Variants in ANKK1 observed in about 807,000 individuals in gnomAD.
The protein encoded by ANKK1 is ankyrin repeat and protein kinase domain-containing protein 1.
ANKK1 carries 37 observed loss-of-function variants against 37.6 expected under a neutral mutation model. The ratio of observed to expected loss-of-function variants is 0.98; its 90% CI spans 0.76 to 1.29. The LOEUF (loss-of-function observed/expected upper bound fraction) is 1.29, where lower values mean the gene tolerates loss of function less well. Ranked by LOEUF, ANKK1 falls within the 50% of genes most tolerant of loss-of-function variation. ANKK1 has a pLI of 0.00. For missense variants in ANKK1, 1,019 were observed against 990.6 expected (o/e 1.03, Z -0.39); for synonymous variants, 415 against 418.7 (o/e 0.99, Z 0.11).
intron 1 of ANKK1, among the ~76,000 whole-genome samples, chr11:113,390,201 G>A (rs1335657569): frequency 6.6e-6 from 1 of 152,186 alleles, no homozygotes; most frequent in African/African-American, 2.4e-5. Flanking sequence ...TCACAGCTCT[G>A]TCTCCTGTGC....
chr11:113,398,037 C>A (rs373888683), intron 7 of ANKK1, 21 bp downstream of exon 7: 4 of 1,562,902 alleles, frequency 2.6e-6, no homozygotes, highest in Non-Finnish European at 2.6e-6. Flanking sequence ...GTGCCACGGG[C>A]GGGACCAGAG....
In ANKK1 at chr11:113,399,256, G is replaced by A; in HGVS notation, c.1287G>A (p.Trp429Ter). ...ADANRVDEDG[W>*]APLHFAAQNG... The stretch of plus-strand genomic sequence containing the variant: ...CCAACCGAGTGGATGAGGATGGCTG[G>A]GCCCCACTGCACTTTGCAGCCCAGA... The change falls in exon 8 of 8, where the codon TGG (tryptophan) becomes TGA (stop). Residue 429 changes from tryptophan (W) to a stop codon, truncating the protein, a stop_gained. Coordinates refer to ENST00000303941, the MANE Select transcript of ANKK1 (RefSeq NM_178510.2). LOFTEE classifies it low-confidence loss of function (END_TRUNC). The A allele has an allele frequency of 6.2e-7, 1 of 1,607,334 alleles. No homozygotes were observed. Among genetic ancestry groups the A allele is most frequent in the Non-Finnish European group, 8.5e-7 (1 of 1,177,208 alleles).
At position 113,394,844 on chromosome 11, in the gene ANKK1, G is replaced by T. The variant is rs1591261067; in HGVS notation, c.481-85G>T. The T allele has an allele frequency of 3.2e-6, 5 of 1,544,550 alleles. No individual in the cohort carries two copies. The East Asian group carries it at 1.2e-4, about 36-fold the overall frequency. ...CCACTACTCTACCCTGGAACAGGCAGATAGCAGGAGGGGTGAGAAGCCATA... is the reference window on the plus strand; with the variant it reads ...CCACTACTCTACCCTGGAACAGGCATATAGCAGGAGGGGTGAGAAGCCATA... On this transcript the variant is annotated intron_variant, in intron 2 of 7. Coordinates refer to ENST00000303941, the MANE Select transcript of ANKK1 (RefSeq NM_178510.2).
intron 2 of ANKK1, 152 bp from the exon 3 acceptor site, chr11:113,394,777 C>A: frequency 9.2e-7 from 1 of 1,085,472 alleles, no homozygotes; most frequent in Non-Finnish European, 1.4e-6. Flanking sequence ...CAAGACCATC[C>A]AGATAGTAAG....
At chr11:113,394,788 T>A in intron 2 of ANKK1, 141 bp from the exon 3 acceptor site, 1 of 1,146,468 alleles carries the variant, frequency 8.7e-7, no homozygotes, top group South Asian at 1.3e-5. Context: ...AGATAGTAAG[T>A]GGTAGTGCTA....
In ANKK1 at chr11:113,400,168, C is replaced by T; in HGVS notation, c.2199C>T (p.Leu733=). Residue 733 remains leucine, a synonymous_variant, in exon 8 of 8, where the codon CTC becomes CTT. Transcript: ENST00000303941. ...GVSCTPLQLA[L]RSRKQGIMSF... ...GCTGCACACCCCTGCAACTGGCCCT[C>T]CGCAGCCGAAAGCAGGGCATCATGT... 1.3e-6 allele frequency: 2 copies of T among 1,587,284 alleles called. No homozygotes were observed. Among genetic ancestry groups the T allele is most frequent in the East Asian group, 2.3e-5 (1 of 43,192 alleles).
intron 1 of ANKK1, among the ~76,000 whole-genome samples, chr11:113,391,817 G>T (rs1018380170): frequency 6.6e-6 from 1 of 152,090 alleles, no homozygotes; most frequent in Non-Finnish European, 1.5e-5. Flanking sequence ...ACTAAGCCCC[G>T]TGGTCAAGTA....
At chr11:113,396,300 A>C in intron 5 of ANKK1, 78 bp downstream of exon 5, 1 of 1,509,342 alleles carries the variant, frequency 6.6e-7, no homozygotes, top group Non-Finnish European at 8.9e-7. Context: ...CACTCCTGGG[A>C]GCTATGCAGA....
chr11:113,397,082 G>T (rs1950644732), intron 5 of ANKK1, 142 bp from the exon 6 acceptor site: 1 of 685,672 alleles, frequency 1.5e-6, no homozygotes, highest in Non-Finnish European at 2.4e-6. Flanking sequence ...CAGGTTTCCT[G>T]CCTTCTCGTG....
chr11:113,395,908 C>G (rs1323644782), intron 4 of ANKK1, among the ~76,000 whole-genome samples, 159 bp from the exon 5 acceptor site: 1 of 152,226 alleles, frequency 6.6e-6, no homozygotes, highest in Non-Finnish European at 1.5e-5. Flanking sequence ...AACACAGAAC[C>G]TCAAGTTGGT....
chr11:113,388,935 G>T (rs1229312217), intron 1 of ANKK1, among the ~76,000 whole-genome samples: 1 of 152,072 alleles, frequency 6.6e-6, no homozygotes, highest in Non-Finnish European at 1.5e-5. Context: ...GTCCGGGACG[G>T]GGGTCTCTCT....
intron 1 of ANKK1, among the ~76,000 whole-genome samples, chr11:113,390,535 G>A (rs1053622859): frequency 6.6e-6 from 1 of 152,174 alleles, no homozygotes; most frequent in African/African-American, 2.4e-5. Context: ...GGTCAGGCAA[G>A]ACCAGCCTGA....
intron 1 of ANKK1, among the ~76,000 whole-genome samples, chr11:113,388,874 G>C (rs760999546): frequency 4.6e-5 from 7 of 152,184 alleles, no homozygotes; most frequent in Non-Finnish European, 8.8e-5. Flanking sequence ...TGTTAAACCT[G>C]AGCATGATAA....
intron 1 of ANKK1, among the ~76,000 whole-genome samples, chr11:113,392,622 A>G (rs1175876077): frequency 6.6e-6 from 1 of 152,194 alleles, no homozygotes; most frequent in Non-Finnish European, 1.5e-5. Context: ...CAATTTTCAT[A>G]TTTACTGTTC....
intron 6 of ANKK1, 51 bp from the exon 7 acceptor site, chr11:113,397,929 C>T (rs1950652258): frequency 6.5e-7 from 1 of 1,546,916 alleles, no homozygotes; most frequent in African/African-American, 1.4e-5. Context: ...AGGGCACAGG[C>T]TAGAACTGCG....
At position 113,393,567 on chromosome 11, in the gene ANKK1, A is replaced by C; in HGVS notation, c.272A>C (p.Lys91Thr). ...ATCGTGTCTATCTACGGGGTGTGCA[A>C]GCAGCCCCTGGGTATTGTGATGGAG... The part of the protein sequence containing the change: ...QHIVSIYGVC[K>T]QPLGIVMEFM... The change falls in exon 2 of 8, where the codon AAG (lysine) becomes ACG (threonine). Residue 91 changes from lysine (K) to threonine (T), a missense_variant. Coordinates refer to ENST00000303941, the MANE Select transcript of ANKK1 (RefSeq NM_178510.2). The C allele has an allele frequency of 6.2e-7, 1 of 1,614,042 alleles. No homozygotes were observed. The highest frequency in any genetic ancestry group is 1.3e-5 in the African/African-American group (1 of 75,066).
Position 113,393,615 on chromosome 11 carries a change from A to G in ANKK1, c.320A>G (p.Glu107Gly), listed in dbSNP as rs1591260031. The stretch of plus-strand genomic sequence containing the variant: ...GAGTTTATGGCCAACGGCTCCCTGG[A>G]GAAGGTGCTGTCCACCCACAGCCTC... ...VMEFMANGSLEKVLSTHSLCW... is the reference protein window; with the variant it reads ...VMEFMANGSLGKVLSTHSLCW... Residue 107 changes from glutamate (E) to glycine (G), a missense_variant, in exon 2 of 8, where the codon GAG (glutamate) becomes GGG (glycine). Glu to Gly is a moderately conservative substitution (Grantham distance 98). Coordinates refer to ENST00000303941, the MANE Select transcript of ANKK1 (RefSeq NM_178510.2). 2 of 1,613,968 alleles carry G rather than the reference A, an allele frequency of 1.2e-6. No homozygotes were observed. Among genetic ancestry groups the G allele is most frequent in the South Asian group, 1.1e-5 (1 of 91,070 alleles).
chr11:113,393,891 A>T (rs912449475), intron 2 of ANKK1, 116 bp downstream of exon 2: 3 of 1,249,490 alleles, frequency 2.4e-6, no homozygotes, highest in Non-Finnish European at 3.2e-6. Context: ...CCCTTCATGG[A>T]CAAATTCTAA....
Position 113,393,737 on chromosome 11 carries a change from C to T in ANKK1, c.442C>T (p.Pro148Ser). The T allele has an allele frequency of 6.2e-7, 1 of 1,612,456 alleles. No individual in the cohort carries two copies. Among genetic ancestry groups the T allele is most frequent in the Non-Finnish European group, 8.5e-7 (1 of 1,179,734 alleles). ...KPPLLHLDLK[P>S]GNILLDSNMH... ...GCCTCTGCTCCACCTGGACCTCAAG[C>T]CGGGCAACATACTCCTGGACAGCAA... The change falls in exon 2 of 8, where the codon CCG (proline) becomes TCG (serine). Residue 148 changes from proline (P) to serine (S), a missense_variant. Coordinates refer to ENST00000303941, the MANE Select transcript of ANKK1 (RefSeq NM_178510.2).
Sources: gnomAD v4.1 joint callset for allele counts (sites outside exome capture counted in the v4.1 genomes callset) on GRCh38, gnomAD v4.1.1 for gene constraint, MANE v1.5 for transcripts, NCBI Gene and HGNC (gene_info 2026-07-23, HGNC 2026-07-21) for gene names.